The following VAX2 variants were observed in gnomAD, a reference collection of about 807,000 sequenced individuals.
The protein encoded by VAX2 is ventral anterior homeobox 2.
In VAX2, 8 loss-of-function variants were observed where a neutral mutation model predicts 12.5. The observed-to-expected ratio is 0.64, with a 90% CI of 0.37 to 1.15. The LOEUF is 1.15. Ranked by LOEUF, VAX2 falls within the 50% of genes most tolerant of loss-of-function variation. The pLI is 0.01. For missense variants in VAX2, 476 were observed against 412.9 expected, an observed-to-expected ratio of 1.15 and a Z score of -1.32; for synonymous variants, 183 against 187.6, an observed-to-expected ratio of 0.98 and a Z score of 0.20.
At chr2:70,914,574 C>G (rs1679266635) in intron 1 of VAX2, among the ~76,000 whole-genome samples, 2 of 145,586 alleles carry the variant, frequency 1.4e-5, no homozygotes, top group Non-Finnish European at 3.1e-5. Context: ...GATTTCCCTA[C>G]AGTGCACCAT....
At chr2:70,917,886 C>G (rs1224239582) in intron 1 of VAX2, among the ~76,000 whole-genome samples, 1 of 152,184 alleles carries the variant, frequency 6.6e-6, no homozygotes. Context: ...AGCACCCTTC[C>G]TCCTATTCAT....
intron 2 of VAX2, among the ~76,000 whole-genome samples, chr2:70,923,408 A>G (rs1679504795): frequency 6.6e-6 from 1 of 152,150 alleles, no homozygotes; most frequent in Non-Finnish European, 1.5e-5. Context: ...TGTTCCAACC[A>G]CCAGCAGGCA....
intron 2 of VAX2, among the ~76,000 whole-genome samples, chr2:70,926,815 C>A (rs1679584645): frequency 6.6e-6 from 1 of 151,560 alleles, no homozygotes; most frequent in Non-Finnish European, 1.5e-5. Context: ...ATTATTAGCC[C>A]ACCGAGTCAT....
intron 2 of VAX2, among the ~76,000 whole-genome samples, chr2:70,931,306 T>C (rs1553414286): frequency 6.6e-6 from 1 of 152,226 alleles, no homozygotes; most frequent in Admixed American, 6.5e-5. Context: ...GGCACCTCTT[T>C]GTCCTCAGCT....
chr2:70,932,791 C>G lies in VAX2; in HGVS notation c.460C>G (p.Arg154Gly). ...GGTGAAGGTCTGGTTCCAGAACCGC[C>G]GCACCAAGCAGAAGAAAGACCAGAG... ...TQVKVWFQNR[R>G]TKQKKDQSRD... Residue 154 changes from arginine to glycine, a missense_variant, in exon 3 of 3, where the codon CGC becomes GGC. Physicochemically the swap from Arg to Gly is moderately radical, Grantham distance 125. Transcript: ENST00000234392. 1 of 1,591,338 alleles carries G rather than the reference C, an allele frequency of 6.3e-7. No individual in the cohort carries two copies. Among genetic ancestry groups the G allele is most frequent in the South Asian group, 1.1e-5 (1 of 87,922 alleles).
intron 2 of VAX2, among the ~76,000 whole-genome samples, chr2:70,931,851 T>A (rs1412917922): frequency 1.3e-5 from 2 of 152,214 alleles, no homozygotes; most frequent in Non-Finnish European, 2.9e-5. Flanking sequence ...AGAGCCAGGG[T>A]GGGCCATGAG....
intron 2 of VAX2, among the ~76,000 whole-genome samples, chr2:70,923,530 C>T (rs1679506503): frequency 2.6e-5 from 4 of 152,224 alleles, no homozygotes; most frequent in Admixed American, 6.5e-5. Flanking sequence ...CAAGACAGTG[C>T]CACAGCAGAC....
intron 1 of VAX2, among the ~76,000 whole-genome samples, chr2:70,912,669 A>G (rs1336628194): frequency 6.6e-6 from 1 of 152,170 alleles, no homozygotes; most frequent in Admixed American, 6.5e-5. Flanking sequence ...TTCAAAAAAA[A>G]GTCAGCACAT....
In VAX2 at chr2:70,915,319, C is replaced by G. The variant is rs191658593; in HGVS notation, c.248-5779C>G. ...CTGGAGAGCAATGGCACAATCTCAG[C>G]TCACTGCAACTTCCCCTTCCCTGCC... On this transcript the variant is annotated intron_variant, in intron 1 of 2. Coordinates refer to ENST00000234392, the MANE Select transcript of VAX2 (RefSeq NM_012476.3). Among the ~76,000 whole-genome samples the G allele has an allele frequency of 2.1e-3, 324 of 152,034 alleles. 2 individuals are homozygous for G. Among genetic ancestry groups the G allele is most frequent in the African/African-American group, 7.5e-3 (311 of 41,468 alleles).
Position 70,900,646 on chromosome 2 carries a change from G to T in VAX2, c.25G>T (p.Asp9Tyr), listed in dbSNP as rs1382870356. 1 of 1,273,632 alleles carries T rather than the reference G, an allele frequency of 7.9e-7. No individual in the cohort carries two copies. The highest frequency in any genetic ancestry group is 9.9e-7 in the Non-Finnish European group (1 of 1,009,944). The allele number at this position is 1,273,632 out of a possible 1,614,324, so 78.9% of individuals were successfully genotyped here. A position where few individuals can be genotyped will look rare whatever the true frequency, so the allele number is the denominator to read the frequency against. MGDGGAER[D>Y]RGPARRAESG... Reference sequence around the variant, plus strand: ...CATGGGCGATGGGGGCGCCGAGCGCGACCGGGGCCCCGCGCGCCGGGCGGA... The same window carrying T: ...CATGGGCGATGGGGGCGCCGAGCGCTACCGGGGCCCCGCGCGCCGGGCGGA... Residue 9 changes from aspartate to tyrosine, a missense_variant, in exon 1 of 3, where the codon GAC becomes TAC. Physicochemically the swap from Asp to Tyr is radical, Grantham distance 160. Coordinates refer to ENST00000234392, the MANE Select transcript of VAX2 (RefSeq NM_012476.3).
At chr2:70,903,812 G>A (rs532398179) in intron 1 of VAX2, among the ~76,000 whole-genome samples, 58 of 152,266 alleles carry the variant, frequency 3.8e-4, no homozygotes, top group African/African-American at 1.1e-3. Context: ...CTGGGCCCGG[G>A]GCCTGGGCTG....
intron 1 of VAX2, among the ~76,000 whole-genome samples, chr2:70,901,426 G>T (rs1168704317): frequency 6.6e-6 from 1 of 152,246 alleles, no homozygotes; most frequent in African/African-American, 2.4e-5. Context: ...GCGCTAGCCC[G>T]CTGTGCTTCA....
chr2:70,912,479 T>C, intron 1 of VAX2, among the ~76,000 whole-genome samples: 1 of 152,042 alleles, frequency 6.6e-6, no homozygotes, highest in East Asian at 1.9e-4. Context: ...CTGGGCAACA[T>C]GGCGAAACCC....
chr2:70,931,991 G>A (rs563938465), intron 2 of VAX2, among the ~76,000 whole-genome samples: 13 of 152,328 alleles, frequency 8.5e-5, no homozygotes, highest in South Asian at 4.1e-4. Context: ...AACTACTAAA[G>A]TCTGGGTCCC....
intron 1 of VAX2, among the ~76,000 whole-genome samples, chr2:70,920,078 G>A (rs1553412600): frequency 6.6e-6 from 1 of 152,160 alleles, no homozygotes; most frequent in East Asian, 1.9e-4. Context: ...CCTCAAGGCG[G>A]CCTTGTGTTG....
intron 2 of VAX2, among the ~76,000 whole-genome samples, chr2:70,926,188 G>A (rs962483699): frequency 1.3e-5 from 2 of 152,242 alleles, no homozygotes; most frequent in Non-Finnish European, 1.5e-5. Context: ...CACTCACAGG[G>A]CTCTACAGGA....
In VAX2 at chr2:70,903,000, C is replaced by T. The variant is rs373642332; in HGVS notation, c.247+2132C>T. ...CTTTTATAAATCCCTCTGCCCTTCCCCATTTAATGATAGGGAGGTTATTAT... is the reference window on the plus strand; with the variant it reads ...CTTTTATAAATCCCTCTGCCCTTCCTCATTTAATGATAGGGAGGTTATTAT... On this transcript the variant is annotated intron_variant, in intron 1 of 2. Transcript: ENST00000234392. Among the ~76,000 whole-genome samples, 81 of 152,334 alleles carry T rather than the reference C, an allele frequency of 5.3e-4. No individual in the cohort carries two copies. In the East Asian group the frequency reaches 8.9e-3, roughly 17 times the overall value.
At chr2:70,925,460 A>G (rs782410270) in intron 2 of VAX2, among the ~76,000 whole-genome samples, 2 of 152,218 alleles carry the variant, frequency 1.3e-5, no homozygotes, top group African/African-American at 2.4e-5. Flanking sequence ...ACACCATATA[A>G]TGAGTTGAGA....
At chr2:70,912,296 C>T (rs1679202935) in intron 1 of VAX2, among the ~76,000 whole-genome samples, 2 of 152,104 alleles carry the variant, frequency 1.3e-5, no homozygotes, top group African/African-American at 4.8e-5. Flanking sequence ...ATGAATTTTC[C>T]ATAAGGAATT....
Sources: gnomAD v4.1 joint callset for allele counts (sites outside exome capture counted in the v4.1 genomes callset) on GRCh38, gnomAD v4.1.1 for gene constraint, MANE v1.5 for transcripts, NCBI Gene and HGNC (gene_info 2026-07-23, HGNC 2026-07-21) for gene names.